Variants in NAB2 observed in about 807,000 individuals in gnomAD.
NAB2 encodes the protein NGFI-A binding protein 2.
In NAB2, 9 loss-of-function variants were observed where a neutral mutation model predicts 44.2. That is an observed-to-expected ratio of 0.20 (90% CI 0.12 to 0.36). The LOEUF is 0.36. NAB2 is among the 10% of genes least tolerant of loss of function. The pLI, the probability that NAB2 is intolerant of heterozygous loss-of-function variation, is 1.00. For synonymous variants in NAB2, 342 were observed against 291.0 expected (o/e 1.18, Z -1.78); for missense variants, 514 against 709.0 (o/e 0.73, Z 3.12).
At chr12:57,094,535 C>G in intron 6 of NAB2, 77 bp from the exon 7 acceptor site, 1 of 1,177,260 alleles carries the variant, frequency 8.5e-7, no homozygotes, top group South Asian at 1.3e-5. Flanking sequence ...CTTTCTTTGC[C>G]CCTGCTTCTG....
chr12:57,090,276 G>C (rs2033158188), intron 1 of NAB2, among the ~76,000 whole-genome samples: 1 of 152,146 alleles, frequency 6.6e-6, no homozygotes, highest in African/African-American at 2.4e-5. Flanking sequence ...ACGAGGTCAG[G>C]AATTCGAGCC....
Position 57,089,214 on chromosome 12 carries a change from C to G in NAB2, c.-58C>G, listed in dbSNP as rs577215194. The G allele has an allele frequency of 5.3e-6, 8 of 1,518,912 alleles. No individual in the cohort carries two copies. Among genetic ancestry groups the G allele is most frequent in the East Asian group, 4.9e-5 (2 of 41,020 alleles). The allele number at this position is 1,518,912 out of a possible 1,614,324, so 94.1% of individuals were successfully genotyped here. On this transcript the variant is annotated 5_prime_UTR_variant, in exon 1 of 7. Transcript: ENST00000300131. ...CGTGCGCGGGGAAGAGGGCAGCACG[C>G]AGCAGGCGCCGAGCGCCGGGCACCG...
rs1487500540 is a variant in NAB2 at position 57,093,566 on chromosome 12, G to A, written c.1436G>A (p.Ser479Asn). ...TCCCACGACCGCGTGGGCCGCCTCA[G>A]CCCCTGTGTGCCTGCGAAGCCACCT... is the stretch of plus-strand genomic sequence containing the variant. ...LVSHDRVGRLSPCVPAKPPLA... is the reference protein window; with the variant it reads ...LVSHDRVGRLNPCVPAKPPLA... The change falls in exon 6 of 7, where the codon AGC becomes AAC. Residue 479 changes from serine (S) to asparagine (N), a missense_variant. Ser to Asn is a conservative substitution (Grantham distance 46). Coordinates refer to ENST00000300131, the MANE Select transcript of NAB2 (RefSeq NM_005967.4). 5 of 1,530,892 alleles carry A rather than the reference G, an allele frequency of 3.3e-6. No homozygotes were observed. Among genetic ancestry groups the A allele is most frequent in the Non-Finnish European group, 4.4e-6 (5 of 1,139,294 alleles). 94.8% of individuals were successfully genotyped at this position (1,530,892 alleles called of 1,614,324 possible).
Position 57,089,344 on chromosome 12 carries a change from C to T in NAB2, c.73C>T (p.Pro25Ser), listed in dbSNP as rs1365699952. Residue 25 changes from proline (P) to serine (S), a missense_variant, in exon 1 of 7, where the codon CCC becomes TCC. Around this residue, in one of 5 missense-constraint regions of NAB2, gnomAD observed 56 missense variants for 45.5 expected, o/e 1.23. Coordinates refer to ENST00000300131, the MANE Select transcript of NAB2 (RefSeq NM_005967.4). ...GGDSARRTLQ[P>S]RLKPSARAMA... ...GGACAGCGCCCGCCGGACCCTGCAG[C>T]CCAGACTCAAGTTAGTGGGCAAAGG... 1 of 1,572,226 alleles carries T rather than the reference C, an allele frequency of 6.4e-7. No homozygotes were observed. The highest frequency in any genetic ancestry group is 8.6e-7 in the Non-Finnish European group (1 of 1,158,864).
chr12:57,089,263 C>G lies in NAB2; in HGVS notation c.-9C>G. 1 of 1,568,754 alleles carries G rather than the reference C, an allele frequency of 6.4e-7. No individual in the cohort carries two copies. The highest frequency in any genetic ancestry group is 8.6e-7 in the Non-Finnish European group (1 of 1,157,246). On this transcript the variant is annotated 5_prime_UTR_variant, in exon 1 of 7. Transcript: ENST00000300131. The stretch of plus-strand genomic sequence containing the variant: ...CGAGAAGGGCAGCCCGGGTGATCTC[C>G]GGCCGTCCATGCACAGAGCGCCTTC...
intron 3 of NAB2, 129 bp downstream of exon 3, chr12:57,092,710 T>C: frequency 7.3e-7 from 1 of 1,364,930 alleles, no homozygotes; most frequent in East Asian, 2.5e-5. Flanking sequence ...TTTGGCCAAG[T>C]CAGCTTGTCT....
Position 57,091,517 on chromosome 12 carries a change from G to A in NAB2, c.476G>A (p.Ser159Asn). The A allele has an allele frequency of 6.2e-7, 1 of 1,613,628 alleles. No individual in the cohort carries two copies. Among genetic ancestry groups the A allele is most frequent in the South Asian group, 1.1e-5 (1 of 91,080 alleles). The change falls in exon 2 of 7, where the codon AGC becomes AAC. Residue 159 changes from serine (S) to asparagine (N), a missense_variant. Physicochemically the swap from Ser to Asn is conservative, Grantham distance 46 (BLOSUM62 1). Around this residue, in one of 5 missense-constraint regions of NAB2, gnomAD observed 177 missense variants for 200.5 expected, o/e 0.88. Transcript: ENST00000300131. The surrounding 1 kb of genome is among the most constrained non-coding windows in gnomAD (Gnocchi z 7.3). ...GEKAGSARSFSPKSPLELGEK... is the reference protein window; with the variant it reads ...GEKAGSARSFNPKSPLELGEK... ...AAGGCAGGCAGTGCCCGCAGTTTTA[G>A]CCCCAAGAGCCCCCTTGAACTTGGA...
In NAB2 at chr12:57,091,996, G is replaced by A. The variant is rs767681676; in HGVS notation, c.955G>A (p.Glu319Lys). Residue 319 changes from glutamate to lysine, a missense_variant and splice_region_variant, in exon 2 of 7, where the codon GAG (glutamate) becomes AAG (lysine). This residue lies in a region of NAB2 where 53 missense variants were observed against 108.5 expected (regional missense o/e 0.49). Coordinates refer to ENST00000300131, the MANE Select transcript of NAB2 (RefSeq NM_005967.4). This position sits in a 1 kb window ranked among gnomAD's most constrained non-coding sequence, Gnocchi z 7.3. ...RREGKQLSLH[E>K]LTINEAAAQF... ...GGAGGGCAAGCAGCTCAGCCTGCACGAGGTGAGAACCCCCAGGCCTCCTAG... is the reference window on the plus strand; with the variant it reads ...GGAGGGCAAGCAGCTCAGCCTGCACAAGGTGAGAACCCCCAGGCCTCCTAG... 1.9e-6 allele frequency: 3 copies of A among 1,602,852 alleles called. No individual in the cohort carries two copies. The highest frequency in any genetic ancestry group is 3.4e-5 in the Admixed American group (2 of 59,542).
At chr12:57,090,918 G>A (rs1020552245) in intron 1 of NAB2, among the ~76,000 whole-genome samples, 3 of 152,246 alleles carry the variant, frequency 2.0e-5, no homozygotes, top group Non-Finnish European at 4.4e-5. Flanking sequence ...CTTCGGGCCA[G>A]TCTAGGACGG....
In NAB2 at chr12:57,094,603, T is replaced by A. The variant is rs773225151; in HGVS notation, c.1469-9T>A. 38 of 1,550,624 alleles carry A rather than the reference T, an allele frequency of 2.5e-5. No homozygotes were observed. In the Admixed American group the frequency reaches 4.3e-4, roughly 18 times the overall value. On this transcript the variant is annotated splice_polypyrimidine_tract_variant and intron_variant, in intron 6 of 6. Transcript: ENST00000300131. ...CTGCAGTCTCCTAACTGCCCCCTTT[T>A]CCCTGCAGAGTTCGAGGAAGGGCTG...
Position 57,094,814 on chromosome 12 carries a change from G to C in NAB2, c.*93G>C. On this transcript the variant is annotated 3_prime_UTR_variant, in exon 7 of 7. Coordinates refer to ENST00000300131, the MANE Select transcript of NAB2 (RefSeq NM_005967.4). ...ATCCCCGGAATCTAGTCACAACCCT[G>C]GATCCTTCCTCTGCCCTTCTCCTGC... 9.4e-7 allele frequency: 1 copy of C among 1,067,556 alleles called. No homozygotes were observed. The highest frequency in any genetic ancestry group is 1.3e-6 in the Non-Finnish European group (1 of 743,120). 66.1% of individuals were successfully genotyped at this position (1,067,556 alleles called of 1,614,324 possible). A position where few individuals can be genotyped will look rare whatever the true frequency, so the allele number is the denominator to read the frequency against.
In NAB2 at chr12:57,092,957, C is replaced by T. The variant is rs771321296; in HGVS notation, c.1132C>T (p.Leu378=). 7 of 1,614,100 alleles carry T rather than the reference C, an allele frequency of 4.3e-6. No homozygotes were observed. The highest frequency in any genetic ancestry group is 5.1e-6 in the Non-Finnish European group (6 of 1,180,046). Reference sequence around the variant, plus strand: ...ACTGGGAGGCCCTCCACTGAAGAAGCTGAAACAAGAGGTATGTTTTCCGGG... The same window carrying T: ...ACTGGGAGGCCCTCCACTGAAGAAGTTGAAACAAGAGGTATGTTTTCCGGG... ...EELGGPPLKK[L]KQEVGEQSHP... is the part of the protein sequence containing the mutation. The change falls in exon 4 of 7, where the codon CTG becomes TTG. Residue 378 remains leucine (L), a synonymous_variant. Coordinates refer to ENST00000300131, the MANE Select transcript of NAB2 (RefSeq NM_005967.4).
rs781531807 is a variant in NAB2 at position 57,093,036 on chromosome 12, T to TA, written c.1144-27_1144-26insA. The TA allele has an allele frequency of 5.6e-6, 9 of 1,613,972 alleles. No individual in the cohort carries two copies. In the Admixed American group the frequency reaches 6.7e-5, roughly 12 times the overall value. ...CCCAATCCCCTCCCTTGGCAGGTCT[T>TA]CATTTCCCCATGTTGGGCATCCACA... is the stretch of plus-strand genomic sequence containing the variant. On this transcript the variant is annotated intron_variant, in intron 4 of 6. Coordinates refer to ENST00000300131, the MANE Select transcript of NAB2 (RefSeq NM_005967.4).
In NAB2 at chr12:57,091,080, G is replaced by A. The variant is rs771961996; in HGVS notation, c.84-45G>A. On this transcript the variant is annotated intron_variant, in intron 1 of 6. Coordinates refer to ENST00000300131, the MANE Select transcript of NAB2 (RefSeq NM_005967.4). This position sits in a 1 kb window ranked among gnomAD's most constrained non-coding sequence, Gnocchi z 7.3. ...GTTAGTGTGGGTTGGTACCCAGTAG[G>A]GGGACTTGCACCGACTGCCTCTCTC... The A allele has an allele frequency of 3.4e-6, 5 of 1,461,662 alleles. No homozygotes were observed. In the Admixed American group the frequency reaches 9.1e-5, roughly 27 times the overall value. 90.5% of individuals were successfully genotyped at this position (1,461,662 alleles called of 1,614,324 possible). A position where few individuals can be genotyped will look rare whatever the true frequency, so the allele number is the denominator to read the frequency against.
At chr12:57,092,357 C>G in intron 2 of NAB2, 91 bp from the exon 3 acceptor site, 16 of 1,527,110 alleles carry the variant, frequency 1.0e-5, no homozygotes, top group Non-Finnish European at 1.4e-5. Flanking sequence ...GGATGGGCCT[C>G]ATTTGTCCAA....
chr12:57,092,965 A>G lies in NAB2; in HGVS notation c.1140A>G (p.Gln380=). 1 of 1,614,154 alleles carries G rather than the reference A, an allele frequency of 6.2e-7. No individual in the cohort carries two copies. Among genetic ancestry groups the G allele is most frequent in the Non-Finnish European group, 8.5e-7 (1 of 1,180,020 alleles). ...GCCCTCCACTGAAGAAGCTGAAACA[A>G]GAGGTATGTTTTCCGGGGTGCATAT... ...LGGPPLKKLK[Q]EVGEQSHPEI... The change falls in exon 4 of 7, where the codon CAA becomes CAG. Residue 380 remains glutamine (Q), a synonymous_variant. Coordinates refer to ENST00000300131, the MANE Select transcript of NAB2 (RefSeq NM_005967.4).
chr12:57,093,312 A>AG (rs540346387), intron 5 of NAB2, 95 bp from the exon 6 acceptor site: 87 of 1,275,672 alleles, frequency 6.8e-5, no homozygotes, highest in East Asian at 2.1e-4. Context: ...ACCTGGCTGG[A>AG]GGGGGGGCAG....
rs2136540412 is a variant in NAB2 at position 57,089,285 on chromosome 12, C to T, written c.14C>T (p.Pro5Leu). 3 of 1,576,380 alleles carry T rather than the reference C, an allele frequency of 1.9e-6. No individual in the cohort carries two copies. Among genetic ancestry groups the T allele is most frequent in the African/African-American group, 1.3e-5 (1 of 74,412 alleles). The change falls in exon 1 of 7, where the codon CCT becomes CTT. Residue 5 changes from proline to leucine, a missense_variant. Pro to Leu is a moderately conservative substitution (Grantham distance 98). Coordinates refer to ENST00000300131, the MANE Select transcript of NAB2 (RefSeq NM_005967.4). Reference sequence around the variant, plus strand: ...CTCCGGCCGTCCATGCACAGAGCGCCTTCCCCCACAGCCGAGCAGCCGCCG... The same window carrying T: ...CTCCGGCCGTCCATGCACAGAGCGCTTTCCCCCACAGCCGAGCAGCCGCCG... MHRAPSPTAEQPPGG... is the reference protein window; with the variant it reads MHRALSPTAEQPPGG...
Position 57,094,623 on chromosome 12 carries a change from G to A in NAB2, c.1480G>A (p.Gly494Arg), listed in dbSNP as rs771078272. The part of the protein sequence containing the change: ...AKPPLAEFEE[G>R]LLDRCPAPGP... Reference sequence around the variant, plus strand: ...CCTTTTCCCTGCAGAGTTCGAGGAAGGGCTGCTGGACAGATGTCCTGCCCC... The same window carrying A: ...CCTTTTCCCTGCAGAGTTCGAGGAAAGGCTGCTGGACAGATGTCCTGCCCC... The change falls in exon 7 of 7, where the codon GGG becomes AGG. Residue 494 changes from glycine to arginine, a missense_variant. Physicochemically the swap from Gly to Arg is moderately radical, Grantham distance 125 (BLOSUM62 -2). This residue lies in a region of NAB2 where 194 missense variants were observed against 223.9 expected (regional missense o/e 0.87). Transcript: ENST00000300131. 9.7e-6 allele frequency: 15 copies of A among 1,553,026 alleles called. No homozygotes were observed. The highest frequency in any genetic ancestry group is 1.3e-5 in the Non-Finnish European group (15 of 1,147,804).
Sources: allele counts gnomAD v4.1 joint callset (sites outside exome capture counted in the v4.1 genomes callset), GRCh38; gene constraint gnomAD v4.1.1; regional missense constraint gnomAD v4.1.1; non-coding constraint Gnocchi (gnomAD v3.1); transcripts MANE v1.5; gene names NCBI Gene and HGNC (gene_info 2026-07-23, HGNC 2026-07-21).